The following MAF variants were observed in gnomAD, a reference collection of about 807,000 sequenced individuals.
MAF encodes the protein MAF bZIP transcription factor, also known as transcription factor Maf.
In MAF, 10 loss-of-function variants were observed where a neutral mutation model predicts 22.0. The ratio of observed to expected loss-of-function variants is 0.45; its 90% CI spans 0.28 to 0.77. MAF has a LOEUF of 0.77. Ranked by LOEUF, MAF falls within the 30% of genes least tolerant of loss-of-function variation. The pLI is 0.12. For missense variants in MAF, 544 were observed against 548.4 expected, an observed-to-expected ratio of 0.99 and a Z score of 0.08; for synonymous variants, 337 against 255.8, an observed-to-expected ratio of 1.32 and a Z score of -3.03.
At chr16:79,375,680 A>T in the MAF span, among the ~76,000 whole-genome samples, 1 of 152,268 alleles carries the variant, frequency 6.6e-6, no homozygotes, top group African/African-American at 2.4e-5. Flanking sequence ...TGACTCTGAC[A>T]ACCAAGTCAA....
At chr16:79,421,202 T>C in the MAF span, among the ~76,000 whole-genome samples, 1 of 152,230 alleles carries the variant, frequency 6.6e-6, no homozygotes, top group Admixed American at 6.5e-5. Flanking sequence ...GCGTTTGTTA[T>C]TGTCCGCAGT....
chr16:79,215,598 C>T, the MAF span, among the ~76,000 whole-genome samples: 5 of 152,274 alleles, frequency 3.3e-5, no homozygotes, highest in East Asian at 9.7e-4. Context: ...GTGGATCCTG[C>T]AGGGTTCACA....
At chr16:79,213,969 G>A in the MAF span, among the ~76,000 whole-genome samples, 200 of 152,188 alleles carry the variant, frequency 1.3e-3, 2 homozygotes, top group African/African-American at 4.6e-3. Flanking sequence ...TCCACTAGAA[G>A]CCACTCTAGT....
At chr16:79,432,737 G>T in the MAF span, among the ~76,000 whole-genome samples, 6 of 152,172 alleles carry the variant, frequency 3.9e-5, no homozygotes, top group African/African-American at 1.4e-4. Context: ...TGAAAATTTG[G>T]ACATACACAC....
chr16:79,401,530 T>A, the MAF span, among the ~76,000 whole-genome samples: 4 of 152,300 alleles, frequency 2.6e-5, no homozygotes, highest in African/African-American at 7.2e-5. Flanking sequence ...CTCCTCCCTT[T>A]AAATTGTTGC....
chr16:79,426,137 T>C, the MAF span, among the ~76,000 whole-genome samples: 3 of 150,784 alleles, frequency 2.0e-5, no homozygotes, highest in African/African-American at 7.3e-5. Context: ...ATCTGGAAGG[T>C]GGAGGTTATA....
At chr16:79,217,222 G>C in the MAF span, among the ~76,000 whole-genome samples, 1 of 152,194 alleles carries the variant, frequency 6.6e-6, no homozygotes, top group Admixed American at 6.5e-5. Flanking sequence ...TAGAGAGAAA[G>C]TAACCTCTCC....
the MAF span, among the ~76,000 whole-genome samples, chr16:79,215,731 C>G: frequency 6.6e-6 from 1 of 152,172 alleles, no homozygotes; most frequent in African/African-American, 2.4e-5. Flanking sequence ...AACAAACATA[C>G]CAAGTGCTAC....
downstream of MAF, among the ~76,000 whole-genome samples, chr16:79,592,216 T>A (rs889638280): frequency 2.0e-5 from 3 of 152,224 alleles, no homozygotes; most frequent in Non-Finnish European, 4.4e-5. Flanking sequence ...TGTTTAGTTT[T>A]GTTTTGTTTC....
chr16:79,379,268 T>C, the MAF span, among the ~76,000 whole-genome samples: 1 of 152,198 alleles, frequency 6.6e-6, no homozygotes, highest in Non-Finnish European at 1.5e-5. Flanking sequence ...ACTCTGAGTG[T>C]CGTGATCTGT....
chr16:79,235,442 G>C, the MAF span, among the ~76,000 whole-genome samples: 1 of 152,016 alleles, frequency 6.6e-6, no homozygotes, highest in African/African-American at 2.4e-5. Context: ...CACGCCTGTA[G>C]TCCCAGCTAC....
the MAF span, among the ~76,000 whole-genome samples, chr16:79,350,938 G>A: frequency 6.6e-6 from 1 of 151,702 alleles, no homozygotes; most frequent in Non-Finnish European, 1.5e-5. Flanking sequence ...CTTACTATGT[G>A]CTCAAGAGGA....
the MAF span, among the ~76,000 whole-genome samples, chr16:79,398,892 C>T: frequency 8.9e-4 from 136 of 152,328 alleles, no homozygotes; most frequent in Middle Eastern, 0.014. Flanking sequence ...TCAAGGAATA[C>T]ATCCTAGCCC....
chr16:79,376,610 T>A, the MAF span, among the ~76,000 whole-genome samples: 5 of 152,142 alleles, frequency 3.3e-5, no homozygotes, highest in South Asian at 2.1e-4. Flanking sequence ...ATGTGCCATG[T>A]TGGTTTGCTG....
the MAF span, among the ~76,000 whole-genome samples, chr16:79,330,435 C>A: frequency 1.3e-5 from 2 of 152,090 alleles, no homozygotes; most frequent in African/African-American, 4.8e-5. Context: ...AAATCCAGGC[C>A]CACCTTTGAG....
the MAF span, among the ~76,000 whole-genome samples, chr16:79,410,853 T>C: frequency 2.0e-4 from 30 of 152,256 alleles, no homozygotes; most frequent in East Asian, 1.2e-3. Flanking sequence ...TCAGGCCTGA[T>C]TGGAGGCAGA....
chr16:79,202,768 GTATTTACATA>G, the MAF span: 3 of 152,150 alleles, frequency 2.0e-5, no homozygotes, highest in Non-Finnish European at 2.9e-5. Flanking sequence ...TAGCTTGTTA[GTATTTACATA>G]TATTTACATA....
the MAF span, among the ~76,000 whole-genome samples, chr16:79,234,570 A>G: frequency 1.3e-5 from 2 of 152,072 alleles, no homozygotes; most frequent in Non-Finnish European, 2.9e-5. Context: ...AAAGCAACCC[A>G]TTTTGCAAAA....
At chr16:79,376,651 A>G in the MAF span, among the ~76,000 whole-genome samples, 12 of 152,030 alleles carry the variant, frequency 7.9e-5, no homozygotes, top group African/African-American at 1.9e-4. Flanking sequence ...AGCATTAGGT[A>G]TATCTCCTAA....
Sources: gnomAD v4.1 joint callset for allele counts (sites outside exome capture counted in the v4.1 genomes callset) on GRCh38, gnomAD v4.1.1 for gene constraint, MANE v1.5 for transcripts, NCBI Gene and HGNC (gene_info 2026-07-23, HGNC 2026-07-21) for gene names.